SP100: variants seen among roughly 807,000 people sequenced by gnomAD.
SP100 encodes nuclear autoantigen Sp-100.
In SP100, 84 loss-of-function variants were observed where a neutral mutation model predicts 130.0. That is an observed-to-expected ratio of 0.65 (90% confidence interval 0.54 to 0.77). The LOEUF is 0.77. SP100 is among the 30% of genes least tolerant of loss of function. The pLI, the probability that SP100 is intolerant of heterozygous loss-of-function variation, is 0.00. For synonymous variants in SP100, 331 were observed against 351.7 expected (o/e 0.94, Z 0.66); for missense variants, 978 against 1,052.2 (o/e 0.93, Z 0.97).
At chr2:230,421,500 TATAC>T (rs1219691717) in intron 2 of SP100, among the ~76,000 whole-genome samples, 3 of 84,792 alleles carry the variant, frequency 3.5e-5, no homozygotes, top group Non-Finnish European at 5.4e-5. Context: ...TTATAGAAGA[TATAC>T]ATATATATAT....
intron 2 of SP100, among the ~76,000 whole-genome samples, chr2:230,439,400 T>A (rs1302173974): frequency 1.3e-5 from 2 of 152,186 alleles, no homozygotes; most frequent in African/African-American, 4.8e-5. Context: ...GTATGATCAT[T>A]TTCACAATAT....
chr2:230,501,250 C>CA (rs1464610190), intron 19 of SP100, among the ~76,000 whole-genome samples: 1 of 151,144 alleles, frequency 6.6e-6, no homozygotes, highest in African/African-American at 2.4e-5. Context: ...GACTCGGTCT[C>CA]AAAAAAAATA....
chr2:230,533,079 C>G (rs1040658742), intron 24 of SP100, among the ~76,000 whole-genome samples: 1 of 152,148 alleles, frequency 6.6e-6, no homozygotes. Context: ...CCGTGCCCGG[C>G]CCTGATGCTC....
At chr2:230,441,469 T>G (rs1264128770) in intron 2 of SP100, among the ~76,000 whole-genome samples, 2 of 152,116 alleles carry the variant, frequency 1.3e-5, no homozygotes, top group Non-Finnish European at 2.9e-5. Context: ...TATACTAGTC[T>G]CAAAGTGGAA....
At chr2:230,451,390 C>T (rs7582700) in intron 8 of SP100, among the ~76,000 whole-genome samples, 102,433 of 152,086 alleles carry the variant, frequency 0.67, 35,656 homozygotes, top group African/African-American at 0.76. Flanking sequence ...TGATGATATC[C>T]GAGGCAGGGC....
chr2:230,532,741 T>C (rs1450808081), intron 24 of SP100, among the ~76,000 whole-genome samples: 1 of 152,202 alleles, frequency 6.6e-6, no homozygotes, highest in Non-Finnish European at 1.5e-5. Context: ...ATATTACCAA[T>C]CATGGAAATG....
intron 24 of SP100, chr2:230,515,119 G>T (rs1407654535): frequency 6.2e-7 from 1 of 1,612,956 alleles, no homozygotes; most frequent in African/African-American, 1.3e-5. Flanking sequence ...GAAGAACCCA[G>T]ATGCTTCAGT....
At chr2:230,516,798 G>T (rs1690938080) in intron 24 of SP100, among the ~76,000 whole-genome samples, 1 of 152,144 alleles carries the variant, frequency 6.6e-6, no homozygotes, top group Admixed American at 6.6e-5. Context: ...AAATCTAATA[G>T]AAGTACCCAA....
chr2:230,515,140 G>C lies in SP100; in HGVS notation c.2094+3974G>C, dbSNP rs1352349583. On this transcript the variant is annotated intron_variant, in intron 24 of 28. Coordinates refer to ENST00000340126, the MANE Select transcript of SP100 (RefSeq NM_001080391.2). ...CCCAGATGCTTCAGTCAAGTTCTCAGAGTTTTTAAAGAAGTGCTCAGAGAC... is the reference window on the plus strand; with the variant it reads ...CCCAGATGCTTCAGTCAAGTTCTCACAGTTTTTAAAGAAGTGCTCAGAGAC... 4 of 1,612,394 alleles carry C rather than the reference G, an allele frequency of 2.5e-6. No individual in the cohort carries two copies. In the African/African-American group the frequency reaches 4.0e-5, roughly 16 times the overall value.
At position 230,460,435 on chromosome 2, in the gene SP100, G is replaced by A. The variant is rs559557576; in HGVS notation, c.821-827G>A. Reference sequence around the variant, plus strand: ...AGAGGTAAAGGGAGAAAGAAAGAGTGGAGAGAAAAGAGATTATTCCATTTT... The same window carrying A: ...AGAGGTAAAGGGAGAAAGAAAGAGTAGAGAGAAAAGAGATTATTCCATTTT... On this transcript the variant is annotated intron_variant, in intron 8 of 28. Transcript: ENST00000340126. Among the ~76,000 whole-genome samples, 3 of 151,534 alleles carry A rather than the reference G, an allele frequency of 2.0e-5. No homozygotes were observed. In the South Asian group the frequency reaches 6.3e-4, roughly 32 times the overall value.
intron 7 of SP100, 110 bp downstream of exon 7, chr2:230,449,820 G>A (rs1439009755): frequency 1.7e-6 from 2 of 1,143,946 alleles, no homozygotes; most frequent in African/African-American, 1.5e-5. Flanking sequence ...ACAAGCAGGG[G>A]AAAATCACAT....
At chr2:230,439,270 G>A (rs997661231) in intron 2 of SP100, among the ~76,000 whole-genome samples, 3 of 151,934 alleles carry the variant, frequency 2.0e-5, no homozygotes, top group Non-Finnish European at 2.9e-5. Context: ...GTCTTGCTTT[G>A]GCAATGTGGG....
At chr2:230,515,319 T>G in intron 24 of SP100, 1 of 1,613,576 alleles carries the variant, frequency 6.2e-7, no homozygotes, top group Non-Finnish European at 8.5e-7. Context: ...AGAGGCCTCC[T>G]TTGGCCTTTT....
At chr2:230,444,443 C>A in intron 4 of SP100, 97 bp downstream of exon 4, 1 of 976,710 alleles carries the variant, frequency 1.0e-6, no homozygotes. Flanking sequence ...TTGTGTTGGG[C>A]AGTGGGCATA....
chr2:230,490,899 C>G (rs1377562646), intron 17 of SP100, among the ~76,000 whole-genome samples: 1 of 152,110 alleles, frequency 6.6e-6, no homozygotes, highest in Non-Finnish European at 1.5e-5. Context: ...CCTGGCCTTT[C>G]TCTCTGGTCT....
intron 24 of SP100, among the ~76,000 whole-genome samples, chr2:230,536,016 G>A (rs1691924956): frequency 6.6e-6 from 1 of 151,766 alleles, no homozygotes; most frequent in Non-Finnish European, 1.5e-5. Context: ...GGCCTTGTGA[G>A]AGGTTCCAGC....
intron 4 of SP100, 34 bp from the exon 5 acceptor site, chr2:230,446,785 T>A: frequency 7.5e-7 from 1 of 1,335,098 alleles, no homozygotes; most frequent in African/African-American, 1.4e-5. Flanking sequence ...TCCCTGTAGA[T>A]CTCTAATTGC....
At chr2:230,482,716 T>C (rs977432595) in intron 17 of SP100, among the ~76,000 whole-genome samples, 3 of 144,152 alleles carry the variant, frequency 2.1e-5, no homozygotes, top group Non-Finnish European at 4.6e-5. Flanking sequence ...ATATATAGGG[T>C]TTATTTCTGG....
chr2:230,492,624 A>G (rs12623331), intron 17 of SP100, among the ~76,000 whole-genome samples: 64,848 of 151,928 alleles, frequency 0.43, 14,410 homozygotes, highest in South Asian at 0.57. Flanking sequence ...ATTTTTTGTT[A>G]TTATACTATT....
Sources: gnomAD v4.1 joint callset for allele counts (sites outside exome capture counted in the v4.1 genomes callset) on GRCh38, gnomAD v4.1.1 for gene constraint, MANE v1.5 for transcripts, NCBI Gene and HGNC (gene_info 2026-07-23, HGNC 2026-07-21) for gene names.